DIP2B: variants seen among roughly 807,000 people sequenced by gnomAD.
The protein encoded by DIP2B is disco-interacting protein 2 homolog B.
DIP2B carries 76 observed loss-of-function variants against 198.0 expected under a neutral mutation model. That is an observed-to-expected ratio of 0.38 (90% CI 0.32 to 0.46). DIP2B has a LOEUF of 0.46. Ranked by LOEUF, DIP2B falls within the 20% of genes least tolerant of loss-of-function variation. The probability of loss-of-function intolerance (pLI) is 0.99; values close to 1 mark genes in which losing one functional copy is unlikely to be tolerated. For missense variants in DIP2B, 1,559 were observed against 1,978.4 expected (o/e 0.79, Z 4.02); for synonymous variants, 701 against 739.1 (o/e 0.95, Z 0.84).
At chr12:50,656,431 A>G (rs1263588609) in intron 3 of DIP2B, among the ~76,000 whole-genome samples, 3 of 152,360 alleles carry the variant, frequency 2.0e-5, no homozygotes, top group East Asian at 3.9e-4. Flanking sequence ...ATAAGAACCC[A>G]TATGAAGGGA....
intron 2 of DIP2B, among the ~76,000 whole-genome samples, chr12:50,634,761 T>A (rs2700478): frequency 0.6 from 90,471 of 152,028 alleles, 27,866 homozygotes; most frequent in Non-Finnish European, 0.69. Flanking sequence ...TATTTTTTTT[T>A]ATTCTTCATG....
intron 1 of DIP2B, among the ~76,000 whole-genome samples, chr12:50,530,450 C>G (rs1041610391): frequency 3.3e-5 from 5 of 152,140 alleles, no homozygotes; most frequent in Non-Finnish European, 5.9e-5. Context: ...TGGGAAGCCA[C>G]TGAAGTATTG....
chr12:50,546,660 C>A (rs1326112144), intron 1 of DIP2B, among the ~76,000 whole-genome samples: 1 of 152,136 alleles, frequency 6.6e-6, no homozygotes, highest in Non-Finnish European at 1.5e-5. Flanking sequence ...CAAAGTATTT[C>A]CTGATTGCCT....
chr12:50,628,141 C>T (rs902842916), intron 2 of DIP2B, among the ~76,000 whole-genome samples: 13 of 152,202 alleles, frequency 8.5e-5, no homozygotes, highest in African/African-American at 2.6e-4. Context: ...GAGGCCGAGG[C>T]GGGTGGATCA....
chr12:50,505,304 G>A, intron 1 of DIP2B, 64 bp downstream of exon 1: 13 of 1,320,798 alleles, frequency 9.8e-6, no homozygotes, highest in Non-Finnish European at 1.3e-5. Context: ...TGGGAGACAG[G>A]TCCCCGCCGC....
At chr12:50,730,378 C>CTTTTTTTTTTTTTTTTTTTTTCTT (rs1565884734) in intron 30 of DIP2B, among the ~76,000 whole-genome samples, 1 of 130,778 alleles carries the variant, frequency 7.6e-6, no homozygotes. Context: ...CTTTCTCTCT[C>CTTTTTTTTTTTTTTTTTTTTTCTT]TCTCTTTTTT....
chr12:50,506,582 A>G (rs1957970354), intron 1 of DIP2B, among the ~76,000 whole-genome samples: 1 of 141,060 alleles, frequency 7.1e-6, no homozygotes, highest in Non-Finnish European at 1.6e-5. Context: ...CAATTAATCC[A>G]ATTTTCAAGT....
At chr12:50,559,228 G>A (rs1958496770) in intron 1 of DIP2B, among the ~76,000 whole-genome samples, 2 of 151,710 alleles carry the variant, frequency 1.3e-5, no homozygotes, top group South Asian at 4.2e-4. Flanking sequence ...GCCTTTGGGT[G>A]ACATTTTATT....
intron 1 of DIP2B, among the ~76,000 whole-genome samples, chr12:50,586,691 G>T (rs1051830685): frequency 1.3e-5 from 2 of 152,084 alleles, no homozygotes; most frequent in Non-Finnish European, 2.9e-5. Flanking sequence ...TCCTGCCTCA[G>T]CCTCCTGAGT....
At chr12:50,688,746 A>T (rs1431987850) in intron 12 of DIP2B, among the ~76,000 whole-genome samples, 1 of 152,084 alleles carries the variant, frequency 6.6e-6, no homozygotes. Flanking sequence ...ATGGTTCATC[A>T]CTCGGTCCTC....
At chr12:50,616,217 C>T (rs1937698431) in intron 1 of DIP2B, among the ~76,000 whole-genome samples, 1 of 152,196 alleles carries the variant, frequency 6.6e-6, no homozygotes, top group Non-Finnish European at 1.5e-5. Context: ...TTCTCTAGTT[C>T]TTGACATGGA....
At chr12:50,736,064 C>A (rs1463237603) in intron 34 of DIP2B, among the ~76,000 whole-genome samples, 1 of 152,142 alleles carries the variant, frequency 6.6e-6, no homozygotes, top group Non-Finnish European at 1.5e-5. Context: ...AATGATGATA[C>A]CTCAGAATCC....
At chr12:50,580,581 AC>A (rs1278580799) in intron 1 of DIP2B, among the ~76,000 whole-genome samples, 1 of 136,756 alleles carries the variant, frequency 7.3e-6, no homozygotes, top group African/African-American at 2.7e-5. Flanking sequence ...TGTTGCCCAG[AC>A]TAGAGTGTAG....
chr12:50,696,863 G>A (rs1939321478), intron 16 of DIP2B, among the ~76,000 whole-genome samples, 198 bp from the exon 17 acceptor site: 1 of 152,132 alleles, frequency 6.6e-6, no homozygotes, highest in African/African-American at 2.4e-5. Flanking sequence ...GACCTTTTAT[G>A]GGCTGGATGA....
intron 14 of DIP2B, among the ~76,000 whole-genome samples, chr12:50,694,285 C>G (rs1457068381): frequency 6.6e-6 from 1 of 152,060 alleles, no homozygotes; most frequent in African/African-American, 2.4e-5. Flanking sequence ...TACTTGAGGC[C>G]AGGAGTTCAA....
chr12:50,630,975 A>G (rs182347795), intron 2 of DIP2B, among the ~76,000 whole-genome samples: 38 of 151,532 alleles, frequency 2.5e-4, no homozygotes, highest in Non-Finnish European at 4.0e-4. Flanking sequence ...CTGGCCATCC[A>G]CCACTTCTTA....
intron 30 of DIP2B, among the ~76,000 whole-genome samples, chr12:50,729,301 C>G (rs191031647): frequency 1.3e-5 from 2 of 152,302 alleles, no homozygotes; most frequent in East Asian, 3.9e-4. Flanking sequence ...TGGGTCTTAT[C>G]TTCAGATTCT....
intron 1 of DIP2B, among the ~76,000 whole-genome samples, chr12:50,577,332 C>T (rs1000899252): frequency 1.3e-5 from 2 of 151,912 alleles, no homozygotes; most frequent in African/African-American, 4.8e-5. Context: ...GAGATCGAGA[C>T]CATCCGGGCT....
chr12:50,664,533 CTT>C (rs1342141681), intron 4 of DIP2B, among the ~76,000 whole-genome samples: 4 of 152,172 alleles, frequency 2.6e-5, no homozygotes, highest in Non-Finnish European at 5.9e-5. Context: ...TACCTCAGCT[CTT>C]TCTTTGTAGG....
Sources: allele counts gnomAD v4.1 joint callset (sites outside exome capture counted in the v4.1 genomes callset), GRCh38; gene constraint gnomAD v4.1.1; transcripts MANE v1.5; gene names NCBI Gene and HGNC (gene_info 2026-07-23, HGNC 2026-07-21).